The following PASK variants were observed in gnomAD, a reference collection of about 807,000 sequenced individuals.
PASK encodes PAS domain-containing serine/threonine-protein kinase.
PASK carries 110 observed loss-of-function variants against 121.0 expected under a neutral mutation model. The observed-to-expected ratio is 0.91, with a 90% CI of 0.78 to 1.06. The LOEUF (loss-of-function observed/expected upper bound fraction) is 1.06. Ranked by LOEUF, PASK falls within the 50% of genes least tolerant of loss-of-function variation. The probability of loss-of-function intolerance (pLI) is 0.00; values close to 1 mark genes in which losing one functional copy is unlikely to be tolerated. For synonymous variants in PASK, 686 were observed against 717.8 expected (o/e 0.96, Z 0.71); for missense variants, 1,643 against 1,702.3 (o/e 0.97, Z 0.61).
chr2:241,138,902 A>G, intron 4 of PASK, 108 bp from the exon 5 acceptor site: 1 of 1,020,908 alleles, frequency 9.8e-7, no homozygotes, highest in Non-Finnish European at 1.5e-6. Context: ...CAACGTTTTC[A>G]ACTTCTGCTT....
In PASK at chr2:241,112,519, A is replaced by G. The variant is rs1248110037; in HGVS notation, c.3334-80T>C. ...GCATTTAAAATAAACTGGAACAAAAAAAAACACAAAGAAAAAATAAACCTC... is the reference window on the plus strand; with the variant it reads ...GCATTTAAAATAAACTGGAACAAAAGAAAACACAAAGAAAAAATAAACCTC... On this transcript the variant is annotated intron_variant, in intron 14 of 17. Coordinates refer to ENST00000234040, the MANE Select transcript of PASK (RefSeq NM_015148.4). This position sits in a 1 kb window ranked among gnomAD's most constrained non-coding sequence, Gnocchi z 5.2. 7.9e-6 allele frequency: 7 copies of G among 882,476 alleles called. No homozygotes were observed. The highest frequency in any genetic ancestry group is 1.1e-5 in the Non-Finnish European group (6 of 566,896). The allele number at this position is 882,476 out of a possible 1,614,324, so 54.7% of individuals were successfully genotyped here.
intron 8 of PASK, 41 bp from the exon 9 acceptor site, chr2:241,133,071 C>G (rs768836961): frequency 6.2e-7 from 1 of 1,603,750 alleles, no homozygotes; most frequent in East Asian, 2.2e-5. Context: ...TCTTCACAGG[C>G]ACTCCCTAAA....
chr2:241,107,612 G>A (rs1254243110), intron 16 of PASK, 113 bp from the exon 17 acceptor site: 14 of 1,016,106 alleles, frequency 1.4e-5, no homozygotes, highest in Admixed American at 3.4e-5. Context: ...GGCAGGTGGC[G>A]GCCCAGGAAC....
In PASK at chr2:241,137,661, G is replaced by A. The variant is rs540385202; in HGVS notation, c.876+292C>T. On this transcript the variant is annotated intron_variant, in intron 6 of 17. Coordinates refer to ENST00000234040, the MANE Select transcript of PASK (RefSeq NM_015148.4). ...CCACAGGCAGCACTACACCAGCTGC[G>A]CAGCTGTGGATGTTACCTCCCACCC... is the stretch of plus-strand genomic sequence containing the variant. 3.3e-5 allele frequency among the ~76,000 whole-genome samples: 5 copies of A among 152,284 alleles called. No individual in the cohort carries two copies. The South Asian group carries it at 1.0e-3, about 32-fold the overall frequency.
At chr2:241,146,630 C>T (rs528907560) in intron 1 of PASK, among the ~76,000 whole-genome samples, 2 of 152,260 alleles carry the variant, frequency 1.3e-5, no homozygotes, top group East Asian at 3.9e-4. Context: ...AATCAAGTTA[C>T]GGAAGACAAT....
intron 10 of PASK, among the ~76,000 whole-genome samples, chr2:241,124,338 C>T (rs1037187033): frequency 4.6e-5 from 7 of 152,194 alleles, no homozygotes; most frequent in South Asian, 2.1e-4. Context: ...CTGTCAGGGC[C>T]GGCCAGGGAA....
intron 1 of PASK, among the ~76,000 whole-genome samples, chr2:241,143,754 T>C (rs1306494630): frequency 2.6e-5 from 4 of 152,130 alleles, no homozygotes; most frequent in Non-Finnish European, 4.4e-5. Flanking sequence ...ACAGCTCCCA[T>C]GGTCTCAGCT....
At chr2:241,149,026 G>C (rs1346272220) in intron 1 of PASK, among the ~76,000 whole-genome samples, 2 of 152,134 alleles carry the variant, frequency 1.3e-5, no homozygotes, top group Non-Finnish European at 2.9e-5. Context: ...GCCCAGTGCA[G>C]GAGGCTGGCG....
chr2:241,149,933 C>T, upstream of PASK: 1 of 1,428,804 alleles, frequency 7.0e-7, no homozygotes, highest in Admixed American at 2.9e-5. Context: ...CTGCTCCGAG[C>T]GTCAAGAGAA....
intron 9 of PASK, among the ~76,000 whole-genome samples, chr2:241,128,839 T>G (rs1414959312): frequency 6.6e-6 from 1 of 150,704 alleles, no homozygotes. Flanking sequence ...CACTCCAGCC[T>G]GGGCAATGGC....
intron 1 of PASK, among the ~76,000 whole-genome samples, chr2:241,146,911 C>T (rs1258378343): frequency 2.6e-5 from 4 of 152,104 alleles, no homozygotes; most frequent in East Asian, 1.9e-4. Context: ...TAAACTGATA[C>T]GGCCAAAAAA....
chr2:241,138,421 A>C (rs973940952), intron 5 of PASK, among the ~76,000 whole-genome samples: 4 of 152,224 alleles, frequency 2.6e-5, no homozygotes, highest in Admixed American at 2.0e-4. Flanking sequence ...TGTTGAAACA[A>C]TCTTATGAGG....
chr2:241,113,960 A>C, intron 14 of PASK: 1 of 982,704 alleles, frequency 1.0e-6, no homozygotes, highest in Non-Finnish European at 1.2e-6. Flanking sequence ...TTATGTCTAT[A>C]TATTTACAAA....
intron 9 of PASK, among the ~76,000 whole-genome samples, chr2:241,131,136 T>C (rs1051394293): frequency 1.3e-5 from 2 of 151,414 alleles, no homozygotes; most frequent in African/African-American, 4.9e-5. Flanking sequence ...AAAAAACACA[T>C]ATGCATGTAT....
At chr2:241,117,846 AC>A (rs922311574) in intron 12 of PASK, among the ~76,000 whole-genome samples, 2 of 152,232 alleles carry the variant, frequency 1.3e-5, no homozygotes, top group African/African-American at 4.8e-5. Flanking sequence ...AATGTATAGT[AC>A]CCATGAATCC....
Position 241,123,686 on chromosome 2 carries a change from C to G in PASK, c.2904+263G>C, listed in dbSNP as rs187494698. 2.0e-5 allele frequency among the ~76,000 whole-genome samples: 3 copies of G among 152,064 alleles called. No individual in the cohort carries two copies. The East Asian group carries it at 5.9e-4, about 30-fold the overall frequency. On this transcript the variant is annotated intron_variant, in intron 11 of 17. Coordinates refer to ENST00000234040, the MANE Select transcript of PASK (RefSeq NM_015148.4). The stretch of plus-strand genomic sequence containing the variant: ...ATACAAAATTAGCCAGGCGTGGTGG[C>G]GCGTGCCTGTAATCCCCACTACTCG...
intron 1 of PASK, among the ~76,000 whole-genome samples, chr2:241,144,638 G>A (rs1418854683): frequency 1.3e-5 from 2 of 152,210 alleles, no homozygotes; most frequent in Non-Finnish European, 2.9e-5. Context: ...CCGTGAACTG[G>A]CTGAGGAGCA....
chr2:241,125,581 CAG>C (rs1358257236), intron 10 of PASK, among the ~76,000 whole-genome samples: 2 of 125,184 alleles, frequency 1.6e-5, no homozygotes, highest in Non-Finnish European at 3.2e-5. Flanking sequence ...GCCTGGGCAA[CAG>C]AGAGAGACTC....
At chr2:241,137,347 C>T (rs555727243) in intron 6 of PASK, 83 bp from the exon 7 acceptor site, 6 of 1,107,276 alleles carry the variant, frequency 5.4e-6, no homozygotes, top group Non-Finnish European at 8.3e-6. Context: ...GACCCGACTT[C>T]TACCCCACGT....
Sources: allele counts gnomAD v4.1 joint callset (sites outside exome capture counted in the v4.1 genomes callset), GRCh38; gene constraint gnomAD v4.1.1; non-coding constraint Gnocchi (gnomAD v3.1); transcripts MANE v1.5; gene names NCBI Gene and HGNC (gene_info 2026-07-23, HGNC 2026-07-21).